Variants in KIF16B observed in about 807,000 individuals in gnomAD.
The protein encoded by KIF16B is kinesin-like protein KIF16B.
In KIF16B, 98 loss-of-function variants were observed where a neutral mutation model predicts 156.3. The ratio of observed to expected loss-of-function variants is 0.63; its 90% CI spans 0.53 to 0.74. The LOEUF (loss-of-function observed/expected upper bound fraction) is 0.74, where lower values mean the gene tolerates loss of function less well. Among genes scored for constraint, KIF16B ranks in the 30% least tolerant of loss-of-function variants. The probability of loss-of-function intolerance (pLI) is 0.00; values close to 1 mark genes in which losing one functional copy is unlikely to be tolerated. For missense variants in KIF16B, 1,421 were observed against 1,606.5 expected (o/e 0.88, Z 1.97); for synonymous variants, 564 against 583.7 (o/e 0.97, Z 0.49).
chr20:16,556,525 T>TG (rs2070855521), intron 1 of KIF16B, among the ~76,000 whole-genome samples: 2 of 152,338 alleles, frequency 1.3e-5, no homozygotes, highest in South Asian at 4.2e-4. Context: ...CCTGGGATTC[T>TG]GTTCTCCATT....
At chr20:16,456,054 T>C (rs2067203442) in intron 12 of KIF16B, among the ~76,000 whole-genome samples, 1 of 151,954 alleles carries the variant, frequency 6.6e-6, no homozygotes, top group Non-Finnish European at 1.5e-5. Context: ...ATACGGTATT[T>C]TTCCAAAAAT....
intron 24 of KIF16B, among the ~76,000 whole-genome samples, chr20:16,316,351 G>A (rs1003863884): frequency 3.3e-5 from 5 of 152,258 alleles, no homozygotes; most frequent in Middle Eastern, 3.4e-3. Context: ...AAAACTAGAA[G>A]TATCTTATAT....
chr20:16,363,814 CT>C (rs1206196229), intron 22 of KIF16B, among the ~76,000 whole-genome samples: 3 of 152,152 alleles, frequency 2.0e-5, no homozygotes, highest in Non-Finnish European at 2.9e-5. Context: ...AAAATAAAAA[CT>C]TTTTTTAATG....
intron 15 of KIF16B, among the ~76,000 whole-genome samples, chr20:16,411,731 A>G (rs2065960381): frequency 6.6e-6 from 1 of 151,884 alleles, no homozygotes; most frequent in African/African-American, 2.4e-5. Flanking sequence ...ACATGTGCCG[A>G]AAAGATACAC....
rs769849203 is a variant in KIF16B, at chr20:16,429,979, G to T, written c.1306C>A (p.Gln436Lys). Residue 436 changes from glutamine to lysine, a missense_variant, in exon 13 of 26, where the codon CAA becomes AAA. By Grantham distance (53) the Gln-to-Lys change is moderately conservative (BLOSUM62 1). Coordinates refer to ENST00000354981, the MANE Select transcript of KIF16B (RefSeq NM_024704.5). Reference sequence around the variant, plus strand: ...CCTTCTTTCCTGAGGGCTAGAGTTTGTTCCTGAAATTAAGAGGAAAAGAAA... The same window carrying T: ...CCTTCTTTCCTGAGGGCTAGAGTTTTTTCCTGAAATTAAGAGGAAAAGAAA... The part of the protein sequence containing the change: ...WNETQNILKE[Q>K]TLALRKEGIG... The T allele has an allele frequency of 6.3e-7, 1 of 1,598,522 alleles. No homozygotes were observed. The highest frequency in any genetic ancestry group is 8.5e-7 in the Non-Finnish European group (1 of 1,175,686).
intron 1 of KIF16B, among the ~76,000 whole-genome samples, chr20:16,569,892 C>T (rs1430796728): frequency 6.6e-6 from 1 of 152,102 alleles, no homozygotes; most frequent in African/African-American, 2.4e-5. Flanking sequence ...TCATCTTTGC[C>T]TAATGGATTC....
chr20:16,555,588 G>C (rs1052123451), intron 1 of KIF16B, among the ~76,000 whole-genome samples: 23 of 152,208 alleles, frequency 1.5e-4, no homozygotes, highest in Non-Finnish European at 2.9e-4. Flanking sequence ...CTTAATGTCT[G>C]CTGACCAGAT....
chr20:16,295,963 G>C (rs890345273), intron 25 of KIF16B, among the ~76,000 whole-genome samples: 3 of 152,116 alleles, frequency 2.0e-5, no homozygotes, highest in Admixed American at 6.5e-5. Context: ...TCTTGAGTAC[G>C]GCTATTCTTT....
At chr20:16,500,857 T>G (rs993594351) in intron 10 of KIF16B, among the ~76,000 whole-genome samples, 1 of 152,170 alleles carries the variant, frequency 6.6e-6, no homozygotes, top group African/African-American at 2.4e-5. Context: ...GAGTAATTCA[T>G]TCTACTTTCA....
rs748113060 is a variant in KIF16B at position 16,312,320 on chromosome 20, G to C, written c.3795+15C>G. The C allele has an allele frequency of 6.3e-6, 10 of 1,588,820 alleles. No homozygotes were observed. In the South Asian group the frequency reaches 1.0e-4, roughly 16 times the overall value. ...TTTCTACATACACAGAGGAAAAACA[G>C]CTTAATTCTGTTACCTCTAAGTGAC... is the stretch of plus-strand genomic sequence containing the variant. On this transcript the variant is annotated intron_variant, in intron 25 of 25. Transcript: ENST00000354981.
chr20:16,276,512 G>T (rs149162410), intron 25 of KIF16B, among the ~76,000 whole-genome samples: 1 of 152,314 alleles, frequency 6.6e-6, no homozygotes, highest in Non-Finnish European at 1.5e-5. Context: ...GGAGAATTAG[G>T]CAGCTTTCGC....
At chr20:16,274,219 T>C (rs2063027701) in intron 25 of KIF16B, among the ~76,000 whole-genome samples, 2 of 152,082 alleles carry the variant, frequency 1.3e-5, no homozygotes, top group Non-Finnish European at 2.9e-5. Context: ...GACAAGAGGG[T>C]CAGTTCCAAG....
chr20:16,484,750 C>A (rs376504170), intron 12 of KIF16B, among the ~76,000 whole-genome samples: 1 of 152,172 alleles, frequency 6.6e-6, no homozygotes, highest in Non-Finnish European at 1.5e-5. Context: ...AATGATATCT[C>A]AAAATCCTCT....
intron 17 of KIF16B, among the ~76,000 whole-genome samples, chr20:16,396,810 T>C (rs1415029560): frequency 6.6e-6 from 1 of 152,178 alleles, no homozygotes; most frequent in Non-Finnish European, 1.5e-5. Flanking sequence ...GGGTCTGCAC[T>C]AGCCCTGATG....
chr20:16,418,707 G>A (rs547544902), intron 15 of KIF16B, among the ~76,000 whole-genome samples: 3 of 152,236 alleles, frequency 2.0e-5, no homozygotes, highest in East Asian at 3.9e-4. Context: ...TGCTAACCCT[G>A]CCAGTTTTTG....
intron 24 of KIF16B, among the ~76,000 whole-genome samples, chr20:16,324,971 T>C (rs1022588122): frequency 3.3e-5 from 5 of 152,076 alleles, no homozygotes; most frequent in African/African-American, 9.7e-5. Flanking sequence ...GTGGGTTTCA[T>C]ACCAGGGATG....
chr20:16,391,993 G>C (rs1484180892), intron 17 of KIF16B, among the ~76,000 whole-genome samples: 1 of 152,210 alleles, frequency 6.6e-6, no homozygotes, highest in Non-Finnish European at 1.5e-5. Flanking sequence ...CCACCTGAGT[G>C]AGGAGATGGT....
chr20:16,381,107 G>A (rs892613959), intron 18 of KIF16B, among the ~76,000 whole-genome samples: 5 of 152,054 alleles, frequency 3.3e-5, no homozygotes, highest in Non-Finnish European at 7.4e-5. Flanking sequence ...AAACAGAAAA[G>A]GAGAAAATAC....
intron 24 of KIF16B, among the ~76,000 whole-genome samples, chr20:16,328,679 G>C (rs762397524): frequency 1.3e-5 from 2 of 152,052 alleles, no homozygotes; most frequent in Non-Finnish European, 2.9e-5. Flanking sequence ...CCTTAGACTG[G>C]GTAATTTATA....
Sources: gnomAD v4.1 joint callset for allele counts (sites outside exome capture counted in the v4.1 genomes callset) on GRCh38, gnomAD v4.1.1 for gene constraint, MANE v1.5 for transcripts, NCBI Gene and HGNC (gene_info 2026-07-23, HGNC 2026-07-21) for gene names.